The following SLIT3 variants were observed in gnomAD, a reference collection of about 807,000 sequenced individuals.
SLIT3 encodes slit guidance ligand 3.
Under a neutral mutation model 184.0 loss-of-function variants are expected in SLIT3, and 68 were observed. The ratio of observed to expected loss-of-function variants is 0.37; its 90% confidence interval spans 0.30 to 0.45. The LOEUF (loss-of-function observed/expected upper bound fraction) is 0.45. Among genes scored for constraint, SLIT3 ranks in the 20% least tolerant of loss-of-function variants. The pLI is 1.00. For missense variants in SLIT3, 1,707 were observed against 2,026.0 expected, an observed-to-expected ratio of 0.84 and a Z score of 3.02; for synonymous variants, 831 against 828.6, an observed-to-expected ratio of 1.00 and a Z score of -0.05.
chr5:169,031,331 G>T (rs1012596515), intron 4 of SLIT3, among the ~76,000 whole-genome samples: 3 of 152,074 alleles, frequency 2.0e-5, no homozygotes, highest in Non-Finnish European at 2.9e-5. Flanking sequence ...TGGGACTAGA[G>T]GGGTAGAAAA....
chr5:168,859,427 T>C (rs532764904), intron 5 of SLIT3, among the ~76,000 whole-genome samples: 1 of 152,064 alleles, frequency 6.6e-6, no homozygotes, highest in African/African-American at 2.4e-5. Flanking sequence ...TTGACAACCA[T>C]AAATGCAAGC....
rs1263539609 is a variant in SLIT3, at chr5:168,663,838, CA to C, written c.*2615del. ...GTTCCCTCCTCTGGACAGCCACTTC[CA>C]TTGCTTGTATTGCCACTTAAGAGCT... On this transcript the variant is annotated 3_prime_UTR_variant, in exon 36 of 36. Coordinates refer to ENST00000519560, the MANE Select transcript of SLIT3 (RefSeq NM_003062.4). 5.9e-5 allele frequency: 9 copies of C among 152,200 alleles called. No homozygotes were observed. The highest frequency in any genetic ancestry group is 2.2e-4 in the African/African-American group (9 of 41,428). 9.4% of individuals were successfully genotyped at this position (152,200 alleles called of 1,614,324 possible).
At chr5:168,674,678 A>T (rs1467383720) in intron 32 of SLIT3, among the ~76,000 whole-genome samples, 2 of 151,664 alleles carry the variant, frequency 1.3e-5, no homozygotes. Context: ...TTTAGTAGAG[A>T]TGGGGTTTTC....
At chr5:168,921,256 A>G (rs752260631) in intron 4 of SLIT3, among the ~76,000 whole-genome samples, 14 of 151,628 alleles carry the variant, frequency 9.2e-5, no homozygotes, top group Non-Finnish European at 1.9e-4. Flanking sequence ...ATAATCCCAC[A>G]CTCTATGTTC....
chr5:168,777,128 C>T (rs556640243), intron 12 of SLIT3, among the ~76,000 whole-genome samples: 2 of 151,694 alleles, frequency 1.3e-5, no homozygotes, highest in South Asian at 4.2e-4. Context: ...CACCACACCA[C>T]ATCAAATTTC....
intron 1 of SLIT3, among the ~76,000 whole-genome samples, chr5:169,295,894 C>T (rs1433564468): frequency 6.6e-6 from 1 of 152,228 alleles, no homozygotes; most frequent in Non-Finnish European, 1.5e-5. Context: ...CAGGATGACG[C>T]TGATGAGTTC....
rs528487592 is a variant in SLIT3, at chr5:169,147,376, C to T, written c.413+46103G>A. ...CTCCACCTCCCGGGTTCAAGCGATT[C>T]TCCTGCCTCAGCCTCCTGAGCAGCT... On this transcript the variant is annotated intron_variant, in intron 4 of 35. Coordinates refer to ENST00000519560, the MANE Select transcript of SLIT3 (RefSeq NM_003062.4). 3.3e-5 allele frequency among the ~76,000 whole-genome samples: 5 copies of T among 152,330 alleles called. No individual in the cohort carries two copies. In the South Asian group the frequency reaches 1.0e-3, roughly 32 times the overall value.
At chr5:169,052,144 A>G (rs746851266) in intron 4 of SLIT3, among the ~76,000 whole-genome samples, 4 of 150,850 alleles carry the variant, frequency 2.7e-5, no homozygotes, top group Non-Finnish European at 5.9e-5. Flanking sequence ...GAGCTCATAT[A>G]CCCCCATCCC....
chr5:168,864,169 A>G (rs1759217430), intron 5 of SLIT3, among the ~76,000 whole-genome samples: 1 of 152,190 alleles, frequency 6.6e-6, no homozygotes, highest in South Asian at 2.1e-4. Flanking sequence ...ACTGCACTCC[A>G]GCCCGGCCGA....
chr5:169,191,157 G>T (rs763677390), intron 4 of SLIT3, among the ~76,000 whole-genome samples: 1 of 152,162 alleles, frequency 6.6e-6, no homozygotes, highest in South Asian at 2.1e-4. Context: ...GTGAGTGAAT[G>T]AATAAATGAA....
chr5:168,752,545 C>T, intron 18 of SLIT3: 1 of 180,468 alleles, frequency 5.5e-6, no homozygotes, highest in Non-Finnish European at 1.2e-5. Context: ...CGGATACTCA[C>T]CACCATAACT....
At chr5:168,818,457 C>A (rs1013942675) in intron 7 of SLIT3, among the ~76,000 whole-genome samples, 3 of 152,292 alleles carry the variant, frequency 2.0e-5, no homozygotes, top group East Asian at 1.9e-4. Flanking sequence ...GGTTCTTCCC[C>A]CAAGGTCTCT....
intron 4 of SLIT3, among the ~76,000 whole-genome samples, chr5:169,108,661 G>C (rs1760303693): frequency 6.6e-6 from 1 of 152,034 alleles, no homozygotes; most frequent in African/African-American, 2.4e-5. Context: ...TGGTGGATGG[G>C]GTAGCTTTGA....
At chr5:168,703,630 G>C (rs1453547581) in intron 26 of SLIT3, among the ~76,000 whole-genome samples, 14 of 152,006 alleles carry the variant, frequency 9.2e-5, no homozygotes, top group Admixed American at 9.2e-4. Context: ...ACTGGTCCCT[G>C]GTGCCAAAAA....
chr5:168,759,356 A>G (rs1755058513), intron 16 of SLIT3, among the ~76,000 whole-genome samples: 1 of 152,350 alleles, frequency 6.6e-6, no homozygotes, highest in Middle Eastern at 3.4e-3. Flanking sequence ...TATGTAATAC[A>G]TATGGCTGAT....
chr5:169,229,072 C>G (rs967292276), intron 3 of SLIT3, among the ~76,000 whole-genome samples: 5 of 151,644 alleles, frequency 3.3e-5, no homozygotes, highest in Non-Finnish European at 7.4e-5. Flanking sequence ...TGCGCACACA[C>G]ACAGATTGAG....
chr5:168,851,484 T>C (rs144638830), intron 5 of SLIT3, among the ~76,000 whole-genome samples: 19 of 152,266 alleles, frequency 1.2e-4, no homozygotes, highest in African/African-American at 4.6e-4. Flanking sequence ...ACACCTCATA[T>C]TCACAGCGAG....
At chr5:168,862,518 T>C (rs1759147688) in intron 5 of SLIT3, among the ~76,000 whole-genome samples, 3 of 152,232 alleles carry the variant, frequency 2.0e-5, no homozygotes, top group Admixed American at 6.5e-5. Context: ...TTACAGTTAA[T>C]TGAAGTGTTA....
Position 168,671,244 on chromosome 5 carries a change from CG to C in SLIT3, c.4080del (p.Gly1361AlafsTer93). 1 of 1,612,600 alleles carries C rather than the reference CG, an allele frequency of 6.2e-7. No homozygotes were observed. Among genetic ancestry groups the C allele is most frequent in the South Asian group, 1.1e-5 (1 of 91,026 alleles). ...SVVCECRPGW[T>X]GPLCDQEARD... ...CGGGCCTCCTGATCGCAGAGTGGGC[CG>C]GTCCAGCCTGGGCGGCACTCGCACA... is the stretch of plus-strand genomic sequence containing the variant. On this transcript the variant is annotated frameshift_variant, in exon 34 of 36. Transcript: ENST00000519560. LOFTEE classifies it high-confidence loss of function.
Sources: allele counts gnomAD v4.1 joint callset (sites outside exome capture counted in the v4.1 genomes callset), GRCh38; gene constraint gnomAD v4.1.1; transcripts MANE v1.5; gene names NCBI Gene and HGNC (gene_info 2026-07-23, HGNC 2026-07-21).